The following DSCAM variants were observed in gnomAD, a reference collection of about 807,000 sequenced individuals.
DSCAM encodes the protein cell adhesion molecule DSCAM.
Under a neutral mutation model 217.7 loss-of-function variants are expected in DSCAM, and 47 were observed. The observed-to-expected ratio is 0.22, with a 90% CI of 0.17 to 0.28. The LOEUF (loss-of-function observed/expected upper bound fraction) is 0.28, where lower values mean the gene tolerates loss of function less well. DSCAM is among the 10% of genes least tolerant of loss of function. The pLI, the probability that DSCAM is intolerant of heterozygous loss-of-function variation, is 1.00. For synonymous variants in DSCAM, 1,056 were observed against 1,015.3 expected (o/e 1.04, Z -0.76); for missense variants, 2,080 against 2,618.3 (o/e 0.79, Z 4.49).
At chr21:40,701,092 G>A (rs555904347) in intron 2 of DSCAM, among the ~76,000 whole-genome samples, 4 of 152,122 alleles carry the variant, frequency 2.6e-5, no homozygotes, top group Non-Finnish European at 5.9e-5. Context: ...GAAGCCATTT[G>A]AGCCAGGAAT....
intron 3 of DSCAM, among the ~76,000 whole-genome samples, chr21:40,476,820 T>G (rs905873008): frequency 1.3e-5 from 2 of 152,052 alleles, no homozygotes; most frequent in East Asian, 3.9e-4. Flanking sequence ...AGTGGAAAGT[T>G]CTCTACGTGA....
chr21:40,490,289 T>G (rs986045935), intron 3 of DSCAM, among the ~76,000 whole-genome samples: 1 of 152,040 alleles, frequency 6.6e-6, no homozygotes, highest in Non-Finnish European at 1.5e-5. Context: ...CCAAACCATA[T>G]CAGTAGGTCT....
chr21:40,549,817 G>T (rs2076614998), intron 3 of DSCAM, among the ~76,000 whole-genome samples: 1 of 152,158 alleles, frequency 6.6e-6, no homozygotes, highest in South Asian at 2.1e-4. Flanking sequence ...ACCTCTTAGA[G>T]GTACATCATG....
rs147658801 is a variant in DSCAM at position 40,578,337 on chromosome 21, T to C, written c.508+114473A>G. Among the ~76,000 whole-genome samples the C allele has an allele frequency of 7.3e-3, 1,105 of 152,260 alleles. 3 individuals carry two copies. Among genetic ancestry groups the C allele is most frequent in the Non-Finnish European group, 9.2e-3 (626 of 68,018 alleles). On this transcript the variant is annotated intron_variant, in intron 3 of 32. Coordinates refer to ENST00000400454, the MANE Select transcript of DSCAM (RefSeq NM_001389.5). ...TGGGGACTTGGAGAACTTTTGCATC[T>C]AGCTAAAGGATTGTAAATGCACCAA...
At chr21:40,396,994 C>T (rs770559691) in intron 3 of DSCAM, among the ~76,000 whole-genome samples, 2 of 152,144 alleles carry the variant, frequency 1.3e-5, no homozygotes, top group Non-Finnish European at 1.5e-5. Context: ...GCCTAACTGA[C>T]CACCTGCTTC....
intron 3 of DSCAM, among the ~76,000 whole-genome samples, chr21:40,433,141 G>A (rs766967308): frequency 1.3e-5 from 2 of 151,944 alleles, no homozygotes; most frequent in African/African-American, 2.4e-5. Context: ...GGTGAATCAC[G>A]AGGTCAGAAG....
intron 3 of DSCAM, among the ~76,000 whole-genome samples, chr21:40,661,978 T>A (rs1294377688): frequency 6.6e-6 from 1 of 152,202 alleles, no homozygotes; most frequent in African/African-American, 2.4e-5. Context: ...TAGCAAGATA[T>A]TATTTTTTTC....
chr21:40,046,212 C>A (rs1199784345), intron 30 of DSCAM, among the ~76,000 whole-genome samples: 2 of 152,168 alleles, frequency 1.3e-5, no homozygotes, highest in South Asian at 2.1e-4. Context: ...CGGGAGATTT[C>A]CTCACTGCAA....
At chr21:40,297,971 A>T (rs555195767) in intron 9 of DSCAM, among the ~76,000 whole-genome samples, 13 of 152,224 alleles carry the variant, frequency 8.5e-5, no homozygotes, top group Middle Eastern at 6.8e-3. Flanking sequence ...CATTTTAAGG[A>T]TTGTTAAGAT....
At chr21:40,145,306 A>T (rs1321686818) in intron 16 of DSCAM, among the ~76,000 whole-genome samples, 1 of 152,160 alleles carries the variant, frequency 6.6e-6, no homozygotes, top group Non-Finnish European at 1.5e-5. Flanking sequence ...CATTCTAAGG[A>T]AATATCCCAG....
At chr21:40,810,905 T>TAA (rs67721150) in intron 1 of DSCAM, among the ~76,000 whole-genome samples, 1 of 150,416 alleles carries the variant, frequency 6.6e-6, no homozygotes, top group African/African-American at 2.5e-5. Flanking sequence ...ACCCTGTCTC[T>TAA]AAAAAAAATG....
chr21:40,162,333 C>T (rs559561696), intron 16 of DSCAM, among the ~76,000 whole-genome samples: 1 of 152,290 alleles, frequency 6.6e-6, no homozygotes, highest in South Asian at 2.1e-4. Flanking sequence ...GCAAATATCT[C>T]TAAGGACAGC....
intron 11 of DSCAM, among the ~76,000 whole-genome samples, chr21:40,254,622 CCCCCAG>C (rs2073347516): frequency 1.3e-5 from 2 of 152,138 alleles, no homozygotes; most frequent in East Asian, 3.9e-4. Context: ...AAAGCCCAGG[CCCCCAG>C]CCCCAGCCAC....
intron 15 of DSCAM, among the ~76,000 whole-genome samples, chr21:40,176,878 G>C (rs753580368): frequency 6.6e-6 from 1 of 152,234 alleles, no homozygotes; most frequent in Non-Finnish European, 1.5e-5. Context: ...GGCAGGGAGA[G>C]AGCTGCTTCC....
chr21:40,552,359 T>C (rs2076637461), intron 3 of DSCAM, among the ~76,000 whole-genome samples: 2 of 152,082 alleles, frequency 1.3e-5, no homozygotes, highest in Non-Finnish European at 2.9e-5. Context: ...TTCCAATGAA[T>C]GAGACAGATT....
chr21:40,110,323 C>T (rs2089879720), intron 20 of DSCAM, among the ~76,000 whole-genome samples: 1 of 152,176 alleles, frequency 6.6e-6, no homozygotes, highest in Non-Finnish European at 1.5e-5. Flanking sequence ...AGAGGACCTC[C>T]AGCAAACTCC....
At chr21:40,064,856 G>C (rs1189906889) in intron 27 of DSCAM, among the ~76,000 whole-genome samples, 1 of 152,150 alleles carries the variant, frequency 6.6e-6, no homozygotes, top group African/African-American at 2.4e-5. Flanking sequence ...GCTTCTACCT[G>C]GGCCAAAGGG....
At chr21:40,634,336 CTCTG>C (rs1366689840) in intron 3 of DSCAM, among the ~76,000 whole-genome samples, 2 of 152,186 alleles carry the variant, frequency 1.3e-5, no homozygotes, top group African/African-American at 4.8e-5. Context: ...TGGCATCAGC[CTCTG>C]TCTGCACACA....
At chr21:40,652,405 T>G (rs2090026718) in intron 3 of DSCAM, among the ~76,000 whole-genome samples, 1 of 151,844 alleles carries the variant, frequency 6.6e-6, no homozygotes, top group South Asian at 2.1e-4. Context: ...TTCAAAAGCC[T>G]AATCTCTGTG....
Sources: gnomAD v4.1 joint callset for allele counts (sites outside exome capture counted in the v4.1 genomes callset) on GRCh38, gnomAD v4.1.1 for gene constraint, MANE v1.5 for transcripts, NCBI Gene and HGNC (gene_info 2026-07-23, HGNC 2026-07-21) for gene names.